SMYD3: variants seen among roughly 807,000 people sequenced by gnomAD.
SMYD3 encodes the protein SET and MYND domain containing 3.
Under a neutral mutation model 57.7 loss-of-function variants are expected in SMYD3, and 36 were observed. The observed-to-expected ratio is 0.62, with a 90% CI of 0.48 to 0.82. The LOEUF (loss-of-function observed/expected upper bound fraction) is 0.82. Among genes scored for constraint, SMYD3 ranks in the 40% least tolerant of loss-of-function variants. The pLI is 0.00. For synonymous variants in SMYD3, 211 were observed against 195.0 expected, an observed-to-expected ratio of 1.08 and a Z score of -0.68; for missense variants, 515 against 538.8, an observed-to-expected ratio of 0.96 and a Z score of 0.44.
At chr1:246,389,823 C>T (rs1054596547) in intron 1 of SMYD3, among the ~76,000 whole-genome samples, 1 of 149,698 alleles carries the variant, frequency 6.7e-6, no homozygotes, top group Admixed American at 6.7e-5. Flanking sequence ...CTGGGGACCT[C>T]CTTGTAGAAA....
chr1:245,844,976 C>T (rs2050591263), intron 10 of SMYD3, among the ~76,000 whole-genome samples: 1 of 152,156 alleles, frequency 6.6e-6, no homozygotes, highest in East Asian at 1.9e-4. Context: ...TTTCTCCAGC[C>T]TATTATTGAA....
chr1:246,286,019 G>A (rs1028202829), intron 5 of SMYD3, among the ~76,000 whole-genome samples: 1 of 152,086 alleles, frequency 6.6e-6, no homozygotes, highest in African/African-American at 2.4e-5. Flanking sequence ...TGTGAAAAGG[G>A]AACACTTCTA....
chr1:246,225,123 G>C (rs2063309193), intron 5 of SMYD3, among the ~76,000 whole-genome samples: 1 of 151,608 alleles, frequency 6.6e-6, no homozygotes, highest in Admixed American at 6.6e-5. Context: ...TAAGGAGAGG[G>C]TTTATTTAAC....
chr1:246,067,473 T>C (rs2060362444), intron 5 of SMYD3, among the ~76,000 whole-genome samples: 1 of 152,056 alleles, frequency 6.6e-6, no homozygotes, highest in African/African-American at 2.4e-5. Flanking sequence ...AAGGTATGAG[T>C]TGGGGAGAGC....
intron 5 of SMYD3, among the ~76,000 whole-genome samples, chr1:246,001,762 C>T (rs897461675): frequency 6.6e-6 from 1 of 152,160 alleles, no homozygotes; most frequent in African/African-American, 2.4e-5. Flanking sequence ...GCAGACCCTA[C>T]AGTAAATAAC....
chr1:246,486,694 T>G (rs1169834563), intron 1 of SMYD3, among the ~76,000 whole-genome samples: 1 of 152,164 alleles, frequency 6.6e-6, no homozygotes, highest in East Asian at 1.9e-4. Context: ...ACCTAAGACT[T>G]ACTTCTCCAA....
At chr1:245,898,109 A>C (rs574226388) in intron 8 of SMYD3, among the ~76,000 whole-genome samples, 1 of 152,176 alleles carries the variant, frequency 6.6e-6, no homozygotes, top group East Asian at 1.9e-4. Flanking sequence ...TTAAGGGTAA[A>C]TTCATCATTT....
Position 246,328,668 on chromosome 1 carries a change from GT to G in SMYD3, c.395-1332del, listed in dbSNP as rs1056503096. Among the ~76,000 whole-genome samples the G allele has an allele frequency of 7.6e-4, 114 of 149,808 alleles. 1 individual carries two copies. Among genetic ancestry groups the G allele is most frequent in the African/African-American group, 2.7e-3 (109 of 40,826 alleles). On this transcript the variant is annotated intron_variant, in intron 4 of 11. Coordinates refer to ENST00000490107, the MANE Select transcript of SMYD3 (RefSeq NM_001167740.2). ...AATTTTTTTTTGATGGTAAATATAT[GT>G]TTTTTTATTTTATTTATTTTTTCTT...
chr1:245,928,041 A>T lies in SMYD3; in HGVS notation c.600-8T>A, dbSNP rs1280817815. On this transcript the variant is annotated splice_region_variant and splice_polypyrimidine_tract_variant and intron_variant, in intron 6 of 11. Coordinates refer to ENST00000490107, the MANE Select transcript of SMYD3 (RefSeq NM_001167740.2). The stretch of plus-strand genomic sequence containing the variant: ...TGATTGAGCAAAGAGATACTGGAAA[A>T]AAAAAGGGGGGAAGACTGTCACAGC... 1.9e-6 allele frequency: 3 copies of T among 1,607,764 alleles called. No individual in the cohort carries two copies. The South Asian group carries it at 3.3e-5, about 18-fold the overall frequency.
chr1:245,811,658 T>G (rs1488569605), intron 10 of SMYD3, among the ~76,000 whole-genome samples: 2 of 152,164 alleles, frequency 1.3e-5, no homozygotes, highest in Non-Finnish European at 2.9e-5. Context: ...AATTTCATAT[T>G]TGGAAAAAGC....
chr1:245,871,794 C>T (rs967756380), intron 8 of SMYD3, among the ~76,000 whole-genome samples: 3 of 152,130 alleles, frequency 2.0e-5, no homozygotes, highest in African/African-American at 7.2e-5. Flanking sequence ...GAGTTACTTA[C>T]GTCCTAAATG....
In SMYD3 at chr1:246,193,050, CAT is replaced by C. The variant is rs2062766613; in HGVS notation, c.531+134149_531+134150del. Reference sequence around the variant, plus strand: ...AAATATGCTAAGAAAACAGAGAAGTCATATTGTTTTTCATTCTACATTCTAGT... The same window carrying C: ...AAATATGCTAAGAAAACAGAGAAGTCATTGTTTTTCATTCTACATTCTAGT... On this transcript the variant is annotated intron_variant, in intron 5 of 11. Transcript: ENST00000490107. Among the ~76,000 whole-genome samples, 3 of 152,274 alleles carry C rather than the reference CAT, an allele frequency of 2.0e-5. No homozygotes were observed. The South Asian group carries it at 6.2e-4, about 32-fold the overall frequency.
At chr1:246,431,837 C>G (rs948184222) in intron 1 of SMYD3, among the ~76,000 whole-genome samples, 1 of 152,172 alleles carries the variant, frequency 6.6e-6, no homozygotes, top group Non-Finnish European at 1.5e-5. Context: ...CAAGTTCAAT[C>G]TCAAATTTCA....
chr1:246,363,447 A>G (rs1207673958), intron 1 of SMYD3, among the ~76,000 whole-genome samples: 36 of 149,754 alleles, frequency 2.4e-4, no homozygotes, highest in Admixed American at 5.3e-4. Flanking sequence ...AGAACGGGCC[A>G]TGATGACAAT....
At chr1:245,973,434 A>G (rs1404895920) in intron 5 of SMYD3, among the ~76,000 whole-genome samples, 1 of 152,230 alleles carries the variant, frequency 6.6e-6, no homozygotes, top group Admixed American at 6.5e-5. Context: ...ACGAGGTACC[A>G]GGTATTTGCT....
At chr1:246,234,021 A>G (rs12749614) in intron 5 of SMYD3, among the ~76,000 whole-genome samples, 3 of 119,998 alleles carry the variant, frequency 2.5e-5, no homozygotes, top group South Asian at 3.5e-4. Flanking sequence ...GAGGAGAAGC[A>G]CTCCTTCAAT....
intron 1 of SMYD3, among the ~76,000 whole-genome samples, chr1:246,404,846 C>T (rs2066834394): frequency 6.6e-6 from 1 of 152,120 alleles, no homozygotes; most frequent in Admixed American, 6.5e-5. Flanking sequence ...AGTATAAAAC[C>T]TTTCTTTCAT....
chr1:246,252,497 T>TAACTG (rs1335145599), intron 5 of SMYD3, among the ~76,000 whole-genome samples: 2 of 152,196 alleles, frequency 1.3e-5, no homozygotes, highest in African/African-American at 4.8e-5. Flanking sequence ...AACATATGTA[T>TAACTG]AACTGCACTG....
chr1:246,083,521 C>CCGTATGCTGAGCGCGGGTCCT (rs1558212900), intron 5 of SMYD3, among the ~76,000 whole-genome samples: 18 of 10,102 alleles, frequency 1.8e-3, no homozygotes, highest in African/African-American at 8.5e-3. Flanking sequence ...GCGCGGGTCC[C>CCGTATGCTGAGCGCGGGTCCT]CTGCGCCCAC....
Sources: allele counts gnomAD v4.1 joint callset (sites outside exome capture counted in the v4.1 genomes callset), GRCh38; gene constraint gnomAD v4.1.1; transcripts MANE v1.5; gene names NCBI Gene and HGNC (gene_info 2026-07-23, HGNC 2026-07-21).